Variants in PTPRD observed in about 807,000 individuals in gnomAD.
PTPRD encodes the protein protein tyrosine phosphatase receptor type D.
PTPRD carries 34 observed loss-of-function variants against 214.5 expected under a neutral mutation model. The ratio of observed to expected loss-of-function variants is 0.16; its 90% confidence interval spans 0.12 to 0.21. PTPRD has a LOEUF of 0.21. Among genes scored for constraint, PTPRD ranks in the 10% least tolerant of loss-of-function variants. PTPRD has a pLI of 1.00. For synonymous variants in PTPRD, 1,128 were observed against 845.7 expected (o/e 1.33, Z -5.79); for missense variants, 2,545 against 2,398.7 (o/e 1.06, Z -1.27).
chr9:10,337,937 T>C (rs1318273775), intron 3 of PTPRD, among the ~76,000 whole-genome samples: 4 of 151,742 alleles, frequency 2.6e-5, no homozygotes, highest in African/African-American at 7.2e-5. Flanking sequence ...TTTTCAGCAA[T>C]TGCATTTTCT....
intron 14 of PTPRD, among the ~76,000 whole-genome samples, chr9:8,593,467 G>A (rs1267516802): frequency 6.6e-6 from 1 of 152,130 alleles, no homozygotes; most frequent in African/African-American, 2.4e-5. Context: ...CAAGTTTCCA[G>A]ACCTCAAATA....
In PTPRD at chr9:9,156,336, T is replaced by G. The variant is rs1251363663; in HGVS notation, c.-143+26968A>C. On this transcript the variant is annotated intron_variant, in intron 10 of 45. Coordinates refer to ENST00000381196, the MANE Select transcript of PTPRD (RefSeq NM_002839.4). ...TCATGTAAAATTCCCATTTTCTACCTTCCAAGATATTTATATGTATGTTAA... is the reference window on the plus strand; with the variant it reads ...TCATGTAAAATTCCCATTTTCTACCGTCCAAGATATTTATATGTATGTTAA... 2.0e-5 allele frequency among the ~76,000 whole-genome samples: 3 copies of G among 151,208 alleles called. No homozygotes were observed. In the East Asian group the frequency reaches 5.8e-4, roughly 29 times the overall value.
chr9:9,956,082 T>C (rs1297844126), intron 4 of PTPRD, among the ~76,000 whole-genome samples: 4 of 152,148 alleles, frequency 2.6e-5, no homozygotes, highest in Admixed American at 1.3e-4. Flanking sequence ...TTTAAAAAAA[T>C]ATATAGATTT....
At chr9:8,841,936 A>C (rs1386832284) in intron 11 of PTPRD, among the ~76,000 whole-genome samples, 1 of 151,948 alleles carries the variant, frequency 6.6e-6, no homozygotes, top group Non-Finnish European at 1.5e-5. Context: ...AGATGAGCCC[A>C]GGAAGCAGAG....
chr9:9,658,882 A>C (rs1454977166), intron 7 of PTPRD, among the ~76,000 whole-genome samples: 1 of 152,172 alleles, frequency 6.6e-6, no homozygotes, highest in Non-Finnish European at 1.5e-5. Context: ...GCCCAGGCTT[A>C]CTGAGGTAAT....
intron 14 of PTPRD, among the ~76,000 whole-genome samples, chr9:8,603,902 C>T (rs2095037595): frequency 6.6e-6 from 1 of 152,138 alleles, no homozygotes; most frequent in Non-Finnish European, 1.5e-5. Context: ...AAAACATGTA[C>T]TTTGTATTAA....
intron 3 of PTPRD, among the ~76,000 whole-genome samples, chr9:10,114,615 C>A (rs537359592): frequency 1.3e-5 from 2 of 151,800 alleles, no homozygotes; most frequent in South Asian, 4.2e-4. Context: ...TATATTTGTG[C>A]ATATATGTAT....
intron 3 of PTPRD, among the ~76,000 whole-genome samples, chr9:10,208,441 G>T (rs1032311863): frequency 6.6e-6 from 1 of 152,224 alleles, no homozygotes; most frequent in Non-Finnish European, 1.5e-5. Context: ...GTGAACCCGG[G>T]AGGCGGAGCT....
chr9:10,236,050 C>G (rs189809212), intron 3 of PTPRD, among the ~76,000 whole-genome samples: 1 of 151,962 alleles, frequency 6.6e-6, no homozygotes, highest in Non-Finnish European at 1.5e-5. Flanking sequence ...AATTTTCTGA[C>G]CCTTGAAAAT....
intron 9 of PTPRD, among the ~76,000 whole-genome samples, chr9:9,348,813 T>C (rs1490115368): frequency 7.9e-5 from 12 of 152,106 alleles, no homozygotes; most frequent in Non-Finnish European, 1.8e-4. Flanking sequence ...TCTGAAGACC[T>C]CCACTTGTCC....
intron 39 of PTPRD, among the ~76,000 whole-genome samples, chr9:8,346,390 G>A (rs185373174): frequency 2.6e-5 from 4 of 152,226 alleles, no homozygotes; most frequent in Admixed American, 2.0e-4. Flanking sequence ...ATCATATAGA[G>A]TAGTCCCCTT....
At position 8,984,366 on chromosome 9, in the gene PTPRD, G is replaced by A. The variant is rs538491132; in HGVS notation, c.-104+34331C>T. 1.1e-4 allele frequency among the ~76,000 whole-genome samples: 17 copies of A among 152,070 alleles called. No homozygotes were observed. In the South Asian group the frequency reaches 1.2e-3, roughly 11 times the overall value. On this transcript the variant is annotated intron_variant, in intron 11 of 45. Coordinates refer to ENST00000381196, the MANE Select transcript of PTPRD (RefSeq NM_002839.4). Reference sequence around the variant, plus strand: ...TGTTTTTTAAAAAATAAATAAGTACGATGAATCTTTAATAACAAGAACCTC... The same window carrying A: ...TGTTTTTTAAAAAATAAATAAGTACAATGAATCTTTAATAACAAGAACCTC...
chr9:8,807,757 G>A (rs776824383), intron 11 of PTPRD, among the ~76,000 whole-genome samples: 3 of 152,052 alleles, frequency 2.0e-5, no homozygotes, highest in African/African-American at 7.2e-5. Context: ...CAGTTCCAAC[G>A]AGTGTGGTCT....
intron 9 of PTPRD, among the ~76,000 whole-genome samples, chr9:9,312,270 T>A (rs1959201255): frequency 6.6e-6 from 1 of 152,184 alleles, no homozygotes; most frequent in South Asian, 2.1e-4. Flanking sequence ...TTGAAGCATC[T>A]GGGATTGCAA....
chr9:10,567,546 C>A (rs972536901), intron 2 of PTPRD, among the ~76,000 whole-genome samples: 1 of 152,024 alleles, frequency 6.6e-6, no homozygotes, highest in Non-Finnish European at 1.5e-5. Context: ...AGAGTGGGTG[C>A]TTATAGCCCT....
Position 8,475,529 on chromosome 9 carries a change from C to T in PTPRD, c.3414-4444G>A, listed in dbSNP as rs534768237. Reference sequence around the variant, plus strand: ...TAGCTATATGCAAATGATTTCCAGACTCATATCTTTAGCCAAGAATGTTCT... The same window carrying T: ...TAGCTATATGCAAATGATTTCCAGATTCATATCTTTAGCCAAGAATGTTCT... On this transcript the variant is annotated intron_variant, in intron 30 of 45. Transcript: ENST00000381196. 4.6e-5 allele frequency among the ~76,000 whole-genome samples: 7 copies of T among 152,216 alleles called. No homozygotes were observed. The South Asian group carries it at 1.5e-3, about 32-fold the overall frequency.
At chr9:9,524,008 A>T (rs1029861275) in intron 8 of PTPRD, among the ~76,000 whole-genome samples, 2 of 152,162 alleles carry the variant, frequency 1.3e-5, no homozygotes, top group African/African-American at 2.4e-5. Flanking sequence ...TCATTCATGG[A>T]TGGACAAATT....
Position 8,340,364 on chromosome 9 carries a change from G to A in PTPRD, c.5232C>T (p.Thr1744=), listed in dbSNP as rs747895404. 21 of 1,610,102 alleles carry A rather than the reference G, an allele frequency of 1.3e-5. No homozygotes were observed. The highest frequency in any genetic ancestry group is 1.7e-5 in the Admixed American group (1 of 59,836). The change falls in exon 42 of 46, where the codon ACC becomes ACT. Residue 1744 remains threonine (T), a synonymous_variant. Transcript: ENST00000381196. ...TTACTCTGCCCATTTCACGCAGCTTGGTGAGCATCACAACTATGGTGGAAT... is the reference window on the plus strand; with the variant it reads ...TTACTCTGCCCATTTCACGCAGCTTAGTGAGCATCACAACTATGGTGGAAT... ...EHNSTIVVML[T]KLREMGREKC... is the part of the protein sequence containing the mutation.
At chr9:8,595,588 CAA>C (rs1376617329) in intron 14 of PTPRD, among the ~76,000 whole-genome samples, 1 of 152,086 alleles carries the variant, frequency 6.6e-6, no homozygotes, top group African/African-American at 2.4e-5. Flanking sequence ...AAGTTAATGG[CAA>C]CAGTTTAAGA....
Sources: allele counts gnomAD v4.1 joint callset (sites outside exome capture counted in the v4.1 genomes callset), GRCh38; gene constraint gnomAD v4.1.1; transcripts MANE v1.5; gene names NCBI Gene and HGNC (gene_info 2026-07-23, HGNC 2026-07-21).